FMNL2: variants seen among roughly 807,000 people sequenced by gnomAD.
The protein encoded by FMNL2 is formin-like protein 2.
Under a neutral mutation model 130.2 loss-of-function variants are expected in FMNL2, and 51 were observed. The ratio of observed to expected loss-of-function variants is 0.39; its 90% CI spans 0.31 to 0.49. The LOEUF (loss-of-function observed/expected upper bound fraction) is 0.49, where lower values mean the gene tolerates loss of function less well. Ranked by LOEUF, FMNL2 falls within the 20% of genes least tolerant of loss-of-function variation. The pLI is 0.85. For synonymous variants in FMNL2, 465 were observed against 467.1 expected, an observed-to-expected ratio of 1.00 and a Z score of 0.06; for missense variants, 977 against 1,316.2, an observed-to-expected ratio of 0.74 and a Z score of 3.99.
Position 152,473,748 on chromosome 2 carries a change from A to G in FMNL2, c.118-48195A>G, listed in dbSNP as rs1689980335. 1.3e-5 allele frequency among the ~76,000 whole-genome samples: 2 copies of G among 152,348 alleles called. 1 individual carries two copies. The highest frequency in any genetic ancestry group is 4.8e-5 in the African/African-American group (2 of 41,582). ...AAAAGTCTTCATAGAAAATATTGAC[A>G]ATACCCTTCTGTTAGGACAGTCTTA... On this transcript the variant is annotated intron_variant, in intron 1 of 25. Coordinates refer to ENST00000288670, the MANE Select transcript of FMNL2 (RefSeq NM_052905.4).
At chr2:152,521,910 G>A (rs747865885) in intron 1 of FMNL2, 33 bp from the exon 2 acceptor site, 1 of 1,555,048 alleles carries the variant, frequency 6.4e-7, no homozygotes, top group Non-Finnish European at 8.9e-7. Context: ...TGTGGAATGT[G>A]ACATCTTTTC....
chr2:152,631,029 G>A (rs1682122766), intron 20 of FMNL2, among the ~76,000 whole-genome samples: 1 of 151,968 alleles, frequency 6.6e-6, no homozygotes, highest in African/African-American at 2.4e-5. Flanking sequence ...TTTTTCTAGA[G>A]ATGCATATCT....
At chr2:152,553,120 T>G (rs6706132) in intron 4 of FMNL2, among the ~76,000 whole-genome samples, 134 of 152,256 alleles carry the variant, frequency 8.8e-4, no homozygotes, top group African/African-American at 3.1e-3. Flanking sequence ...AGTTGATGTC[T>G]TCTCTCCTGC....
At chr2:152,609,116 T>G (rs192303505) in intron 10 of FMNL2, among the ~76,000 whole-genome samples, 6 of 152,212 alleles carry the variant, frequency 3.9e-5, no homozygotes, top group Non-Finnish European at 8.8e-5. Flanking sequence ...AAATTACAAT[T>G]ATATAAAGCC....
Position 152,391,822 on chromosome 2 carries a change from A to C in FMNL2, c.117+56102A>C, listed in dbSNP as rs866419547. 5.0e-4 allele frequency among the ~76,000 whole-genome samples: 54 copies of C among 108,814 alleles called. 1 individual carries two copies. Among genetic ancestry groups the C allele is most frequent in the African/African-American group, 1.3e-3 (45 of 34,986 alleles). The allele number at this position is 108,814 out of a possible 152,430, so 71.4% of individuals were successfully genotyped here. ...AGACTCCTAAACTCTATATGTTCTT[A>C]ATGAAATAACGCTGGCTAGAGCCCT... On this transcript the variant is annotated intron_variant, in intron 1 of 25. Transcript: ENST00000288670.
At chr2:152,476,410 C>G (rs1227678552) in intron 1 of FMNL2, among the ~76,000 whole-genome samples, 2 of 152,222 alleles carry the variant, frequency 1.3e-5, no homozygotes, top group Non-Finnish European at 1.5e-5. Flanking sequence ...GTGGCTCACT[C>G]CTGTAATCCC....
intron 1 of FMNL2, among the ~76,000 whole-genome samples, chr2:152,414,767 C>T (rs1411225924): frequency 1.3e-5 from 2 of 152,170 alleles, no homozygotes; most frequent in African/African-American, 4.8e-5. Context: ...TCCTTCCTAG[C>T]TGTTTCTTTT....
intron 2 of FMNL2, among the ~76,000 whole-genome samples, chr2:152,532,380 T>C (rs1042035714): frequency 4.6e-5 from 7 of 152,198 alleles, no homozygotes; most frequent in African/African-American, 1.7e-4. Context: ...CTACCAGCGA[T>C]GTAATAGCGT....
At chr2:152,372,154 C>T (rs1430630520) in intron 1 of FMNL2, among the ~76,000 whole-genome samples, 1 of 151,982 alleles carries the variant, frequency 6.6e-6, no homozygotes, top group East Asian at 1.9e-4. Context: ...AGGATTTTTC[C>T]GTTGCTAATA....
At chr2:152,435,681 TC>T (rs1687720207) in intron 1 of FMNL2, among the ~76,000 whole-genome samples, 1 of 152,214 alleles carries the variant, frequency 6.6e-6, no homozygotes, top group South Asian at 2.1e-4. Context: ...ATATAGAGAT[TC>T]TAGCATTTTA....
chr2:152,464,705 C>T (rs1210829203), intron 1 of FMNL2, among the ~76,000 whole-genome samples: 2 of 152,194 alleles, frequency 1.3e-5, no homozygotes, highest in Non-Finnish European at 2.9e-5. Context: ...GGAGGAGGCT[C>T]AGACGCTAAA....
chr2:152,413,033 C>T (rs1384542723), intron 1 of FMNL2, among the ~76,000 whole-genome samples: 1 of 152,094 alleles, frequency 6.6e-6, no homozygotes, highest in African/African-American at 2.4e-5. Context: ...TATGACAAAA[C>T]TATTTGACTC....
intron 6 of FMNL2, among the ~76,000 whole-genome samples, chr2:152,565,929 G>T (rs1350911162): frequency 6.6e-6 from 1 of 152,072 alleles, no homozygotes; most frequent in Admixed American, 6.6e-5. Context: ...ACAGGTGTGT[G>T]CCACCACGCC....
chr2:152,611,167 C>G (rs1297935544), intron 10 of FMNL2, among the ~76,000 whole-genome samples: 1 of 152,108 alleles, frequency 6.6e-6, no homozygotes, highest in Non-Finnish European at 1.5e-5. Context: ...GGTGAAACCC[C>G]ATCTCTACTA....
chr2:152,535,242 A>G (rs1384709105), intron 2 of FMNL2, among the ~76,000 whole-genome samples: 1 of 152,152 alleles, frequency 6.6e-6, no homozygotes, highest in Non-Finnish European at 1.5e-5. Flanking sequence ...TTACTACCAC[A>G]TATCCCTCCT....
At chr2:152,447,408 C>T (rs1259947120) in intron 1 of FMNL2, among the ~76,000 whole-genome samples, 2 of 152,132 alleles carry the variant, frequency 1.3e-5, no homozygotes, top group Non-Finnish European at 2.9e-5. Context: ...CAGCCATCAA[C>T]TTATTTTTGA....
At chr2:152,517,324 A>G (rs1332318800) in intron 1 of FMNL2, among the ~76,000 whole-genome samples, 1 of 152,194 alleles carries the variant, frequency 6.6e-6, no homozygotes, top group Non-Finnish European at 1.5e-5. Flanking sequence ...GCTGGGCAGT[A>G]TGGCTGATTT....
At chr2:152,643,968 G>A (rs1466749205) in intron 25 of FMNL2, 15 of 856,084 alleles carry the variant, frequency 1.8e-5, no homozygotes, top group Admixed American at 6.2e-5. Flanking sequence ...AGTGGCACAC[G>A]CCTGTAATTC....
Position 152,356,365 on chromosome 2 carries a change from C to G in FMNL2, c.117+20645C>G, listed in dbSNP as rs144604921. Among the ~76,000 whole-genome samples the G allele has an allele frequency of 1.1e-3, 161 of 152,248 alleles. 2 individuals carry two copies. The East Asian group carries it at 0.029, about 27-fold the overall frequency. The stretch of plus-strand genomic sequence containing the variant: ...TCTCGAACTCCTGACCTCAAGTGAT[C>G]CACCCACCTCAGCCTCCCAAAGTGC... On this transcript the variant is annotated intron_variant, in intron 1 of 25. Coordinates refer to ENST00000288670, the MANE Select transcript of FMNL2 (RefSeq NM_052905.4).
Sources: allele counts gnomAD v4.1 joint callset (sites outside exome capture counted in the v4.1 genomes callset), GRCh38; gene constraint gnomAD v4.1.1; transcripts MANE v1.5; gene names NCBI Gene and HGNC (gene_info 2026-07-23, HGNC 2026-07-21).